The following TRIM27 variants were observed in gnomAD, a reference collection of about 807,000 sequenced individuals.
TRIM27 encodes zinc finger protein RFP.
Under a neutral mutation model 57.6 loss-of-function variants are expected in TRIM27, and 12 were observed. The observed-to-expected ratio is 0.21, with a 90% CI of 0.13 to 0.34. The LOEUF (loss-of-function observed/expected upper bound fraction) is 0.34, where lower values mean the gene tolerates loss of function less well. Ranked by LOEUF, TRIM27 falls within the 10% of genes least tolerant of loss-of-function variation. The pLI, the probability that TRIM27 is intolerant of heterozygous loss-of-function variation, is 1.00. For synonymous variants in TRIM27, 266 were observed against 259.0 expected (o/e 1.03, Z -0.26); for missense variants, 403 against 656.8 (o/e 0.61, Z 4.22).
chr6:28,919,409 C>T (rs1252127459), intron 3 of TRIM27, among the ~76,000 whole-genome samples: 2 of 152,180 alleles, frequency 1.3e-5, no homozygotes, highest in Non-Finnish European at 1.5e-5. Flanking sequence ...GGCACTTAAT[C>T]CCAGTGCCTA....
chr6:28,916,933 G>A (rs1045253513), intron 3 of TRIM27, among the ~76,000 whole-genome samples: 1 of 152,122 alleles, frequency 6.6e-6, no homozygotes, highest in East Asian at 1.9e-4. Flanking sequence ...CTTGAGCCCA[G>A]GAGTTCAAGA....
intron 7 of TRIM27, chr6:28,905,410 C>T (rs1310386050): frequency 6.6e-6 from 1 of 152,182 alleles, no homozygotes; most frequent in Non-Finnish European, 1.5e-5. Context: ...CACATAAATT[C>T]AGGTTTTGAT....
At chr6:28,909,131 T>C (rs752904593) in intron 4 of TRIM27, 43 bp from the exon 5 acceptor site, 7 of 1,411,856 alleles carry the variant, frequency 5.0e-6, no homozygotes, top group Non-Finnish European at 6.9e-6. Flanking sequence ...TTTTTTGAGA[T>C]GGAGTTTCGC....
At chr6:28,908,747 T>C (rs935814035) in intron 6 of TRIM27, 61 bp downstream of exon 6, 2 of 1,544,148 alleles carry the variant, frequency 1.3e-6, no homozygotes, top group Non-Finnish European at 1.8e-6. Context: ...CCACTTTCAG[T>C]GCAGATGTTC....
intron 6 of TRIM27, chr6:28,907,618 T>A (rs1772864235): frequency 3.5e-6 from 2 of 565,488 alleles, no homozygotes; most frequent in Non-Finnish European, 6.9e-6. Flanking sequence ...TTGAGTTGCA[T>A]AAGTCATCTG....
At chr6:28,909,719 G>A (rs755197168) in intron 4 of TRIM27, among the ~76,000 whole-genome samples, 3 of 152,144 alleles carry the variant, frequency 2.0e-5, no homozygotes, top group Admixed American at 6.5e-5. Flanking sequence ...CAATTAACCC[G>A]AATTCTCAGG....
At chr6:28,907,146 T>A in intron 7 of TRIM27, 90 bp downstream of exon 7, 1 of 1,263,118 alleles carries the variant, frequency 7.9e-7, no homozygotes, top group Non-Finnish European at 1.1e-6. Flanking sequence ...AATCCAAATC[T>A]AAGCAATTTC....
At position 28,922,002 on chromosome 6, in the gene TRIM27, A is replaced by C; in HGVS notation, c.421-15T>G. ...TGGATTTGCTCCTGAGAAAAGCAAA[A>C]CAGATGGGCAGTTCAAAATTAGGTA... is the stretch of plus-strand genomic sequence containing the variant. On this transcript the variant is annotated splice_polypyrimidine_tract_variant and intron_variant, in intron 1 of 7. Coordinates refer to ENST00000377199, the MANE Select transcript of TRIM27 (RefSeq NM_006510.5). The C allele has an allele frequency of 6.3e-7, 1 of 1,594,512 alleles. No homozygotes were observed. Among genetic ancestry groups the C allele is most frequent in the South Asian group, 1.1e-5 (1 of 90,688 alleles).
intron 3 of TRIM27, among the ~76,000 whole-genome samples, chr6:28,913,637 G>A (rs777518000): frequency 3.9e-5 from 6 of 152,040 alleles, no homozygotes; most frequent in Non-Finnish European, 8.8e-5. Flanking sequence ...CTATTGTAAC[G>A]AGTAAGAAAT....
rs949169273 is a variant in TRIM27 at position 28,903,032 on chromosome 6, A to G, written c.*1038T>C. ...ATCCATATTCAGTTTATTTTTAAAC[A>G]GAGGGGCACGTACCCACAGAGAAGC... On this transcript the variant is annotated 3_prime_UTR_variant, in exon 8 of 8. Transcript: ENST00000377199. The G allele has an allele frequency of 2.7e-4, 59 of 221,100 alleles. No individual in the cohort carries two copies. The highest frequency in any genetic ancestry group is 2.3e-4 in the Admixed American group (4 of 17,344). 13.7% of individuals were successfully genotyped at this position (221,100 alleles called of 1,614,324 possible).
At chr6:28,911,339 G>GAAA (rs9256951) in intron 4 of TRIM27, 2,408 of 189,232 alleles carry the variant, frequency 0.013, 4 homozygotes, top group East Asian at 0.02. Context: ...CCCCATTACA[G>GAAA]AAAAAAAAAA....
intron 3 of TRIM27, among the ~76,000 whole-genome samples, chr6:28,918,952 G>A (rs958740817): frequency 3.9e-5 from 6 of 151,974 alleles, no homozygotes; most frequent in African/African-American, 1.5e-4. Flanking sequence ...AAAAACAGGG[G>A]ATGGACCATA....
At chr6:28,917,866 G>T (rs1773728335) in intron 3 of TRIM27, among the ~76,000 whole-genome samples, 2 of 146,292 alleles carry the variant, frequency 1.4e-5, no homozygotes, top group East Asian at 2.0e-4. Context: ...TTCGCTCATT[G>T]CCCAGGCTGG....
chr6:28,918,455 G>T (rs1012104366), intron 3 of TRIM27, among the ~76,000 whole-genome samples: 1 of 151,766 alleles, frequency 6.6e-6, no homozygotes, highest in Non-Finnish European at 1.5e-5. Flanking sequence ...GAATCAAATG[G>T]GTATCAGCTT....
At position 28,920,210 on chromosome 6, in the gene TRIM27, A is replaced by G. The variant is rs774663525; in HGVS notation, c.549T>C (p.Val183=). 6.2e-7 allele frequency: 1 copy of G among 1,612,570 alleles called. No individual in the cohort carries two copies. The highest frequency in any genetic ancestry group is 8.5e-7 in the Non-Finnish European group (1 of 1,178,830). The change falls in exon 3 of 8, where the codon GTT becomes GTC. Residue 183 remains valine, a synonymous_variant. Transcript: ENST00000377199. The stretch of plus-strand genomic sequence containing the variant: ...AGTGATACAGCTGCTCAAACTCCCA[A>G]ACAATCTTCTCCCTCTCCATCTGGG... ...SLTQMEREKI[V]WEFEQLYHSL...
chr6:28,907,428 C>T (rs1772847714), intron 6 of TRIM27, 166 bp from the exon 7 acceptor site: 1 of 730,610 alleles, frequency 1.4e-6, no homozygotes, highest in African/African-American at 1.7e-5. Flanking sequence ...ATGGCTCTAT[C>T]ATCCAACCAA....
In TRIM27 at chr6:28,907,227, A is replaced by C; in HGVS notation, c.946+9T>G. ...TTACCCTAATATGGTTTTGTCTCTCATCACCTACCTGAGTATAACTGAGCC... is the reference window on the plus strand; with the variant it reads ...TTACCCTAATATGGTTTTGTCTCTCCTCACCTACCTGAGTATAACTGAGCC... On this transcript the variant is annotated intron_variant, in intron 7 of 7. Transcript: ENST00000377199. The C allele has an allele frequency of 6.2e-7, 1 of 1,610,314 alleles. No individual in the cohort carries two copies.
intron 7 of TRIM27, 69 bp downstream of exon 7, chr6:28,907,167 A>G (rs1186439606): frequency 4.2e-6 from 6 of 1,413,686 alleles, no homozygotes; most frequent in Non-Finnish European, 5.9e-6. Flanking sequence ...CAAATCATTC[A>G]TAATAGTAGT....
intron 1 of TRIM27, among the ~76,000 whole-genome samples, chr6:28,922,980 G>T (rs1156452387): frequency 6.6e-6 from 1 of 152,158 alleles, no homozygotes; most frequent in African/African-American, 2.4e-5. Flanking sequence ...CAGGTAACAT[G>T]GGGGTAAACA....
Sources: allele counts gnomAD v4.1 joint callset (sites outside exome capture counted in the v4.1 genomes callset), GRCh38; gene constraint gnomAD v4.1.1; transcripts MANE v1.5; gene names NCBI Gene and HGNC (gene_info 2026-07-23, HGNC 2026-07-21).